Variants in STIM1 observed in about 807,000 individuals in gnomAD.
STIM1 encodes stromal interaction molecule 1.
STIM1 carries 25 observed loss-of-function variants against 74.7 expected under a neutral mutation model. The observed-to-expected ratio is 0.33, with a 90% CI of 0.24 to 0.47. The LOEUF is 0.47. Among genes scored for constraint, STIM1 ranks in the 20% least tolerant of loss-of-function variants. The probability of loss-of-function intolerance (pLI) is 1.00; values close to 1 mark genes in which losing one functional copy is unlikely to be tolerated. For missense variants in STIM1, 728 were observed against 920.8 expected (o/e 0.79, Z 2.71); for synonymous variants, 328 against 348.8 (o/e 0.94, Z 0.66).
chr11:3,920,942 C>T (rs1477170026), intron 1 of STIM1, among the ~76,000 whole-genome samples: 1 of 151,814 alleles, frequency 6.6e-6, no homozygotes, highest in East Asian at 1.9e-4. Context: ...ATTATAGGCA[C>T]CCGCCACTAC....
At chr11:4,028,264 C>T (rs139054166) in intron 3 of STIM1, among the ~76,000 whole-genome samples, 32 of 150,596 alleles carry the variant, frequency 2.1e-4, no homozygotes, top group Non-Finnish European at 2.8e-4. Context: ...GTATTTTTAA[C>T]GGAGATGGGG....
chr11:3,908,697 A>C (rs1322776233), intron 1 of STIM1, among the ~76,000 whole-genome samples: 1 of 152,200 alleles, frequency 6.6e-6, no homozygotes, highest in East Asian at 1.9e-4. Context: ...TGTCAAGCTC[A>C]AATAAAATGT....
chr11:4,016,812 G>T (rs953555827), intron 2 of STIM1, among the ~76,000 whole-genome samples: 1 of 152,212 alleles, frequency 6.6e-6, no homozygotes, highest in African/African-American at 2.4e-5. Context: ...CCAGTGTCCC[G>T]GGTCGATCTC....
intron 2 of STIM1, among the ~76,000 whole-genome samples, chr11:3,980,034 C>T (rs11030486): frequency 0.054 from 8,262 of 152,156 alleles, 374 homozygotes; most frequent in East Asian, 0.18. Context: ...CTCTATCGCT[C>T]GATTTAGCAC....
chr11:3,871,280 G>T (rs1316360012), intron 1 of STIM1, among the ~76,000 whole-genome samples: 1 of 152,150 alleles, frequency 6.6e-6, no homozygotes, highest in African/African-American at 2.4e-5. Flanking sequence ...CTGAATTTAG[G>T]CTATGCTTGG....
chr11:4,059,615 C>T (rs1429140187), intron 5 of STIM1, among the ~76,000 whole-genome samples: 1 of 152,180 alleles, frequency 6.6e-6, no homozygotes, highest in Non-Finnish European at 1.5e-5. Context: ...CTGCATTGTG[C>T]CAATGCTGTG....
In STIM1 at chr11:3,865,728, A is replaced by G. The variant is rs2090830340; in HGVS notation, c.139+9319A>G. On this transcript the variant is annotated intron_variant, in intron 1 of 12. Transcript: ENST00000526596. ...TGTATGTCTCACCACTGAGCTGTTC[A>G]GCTGGCTCCATTATGGATTTGGGGC... Among the ~76,000 whole-genome samples the G allele has an allele frequency of 2.0e-5, 3 of 152,334 alleles. No homozygotes were observed. In the Middle Eastern group the frequency reaches 0.01, roughly 518 times the overall value.
chr11:4,081,044 C>T (rs1302829301), intron 7 of STIM1, among the ~76,000 whole-genome samples: 1 of 152,018 alleles, frequency 6.6e-6, no homozygotes, highest in Non-Finnish European at 1.5e-5. Flanking sequence ...GATTGGCACT[C>T]TCATTGCCTC....
At chr11:3,928,384 C>A (rs915384582) in intron 1 of STIM1, among the ~76,000 whole-genome samples, 1 of 152,008 alleles carries the variant, frequency 6.6e-6, no homozygotes, top group African/African-American at 2.4e-5. Context: ...TGCCACCACA[C>A]CCAGTTAATT....
chr11:3,973,912 A>G (rs2093420385), intron 2 of STIM1: 1 of 496,062 alleles, frequency 2.0e-6, no homozygotes. Context: ...TTTAAAATGT[A>G]TCTTTTTTAA....
At chr11:3,898,858 C>G (rs2092267425) in intron 1 of STIM1, among the ~76,000 whole-genome samples, 2 of 151,282 alleles carry the variant, frequency 1.3e-5, no homozygotes, top group African/African-American at 4.9e-5. Flanking sequence ...GGGCTCTGTT[C>G]TGTTCCATTG....
chr11:4,050,853 G>A (rs2094234019), intron 3 of STIM1, among the ~76,000 whole-genome samples: 1 of 152,152 alleles, frequency 6.6e-6, no homozygotes, highest in Non-Finnish European at 1.5e-5. Context: ...TTACAATAAA[G>A]TAAGAGAAGA....
intron 1 of STIM1, among the ~76,000 whole-genome samples, chr11:3,886,386 G>A (rs903097495): frequency 1.1e-4 from 16 of 152,000 alleles, no homozygotes; most frequent in Non-Finnish European, 2.9e-5. Context: ...ATTGTATTTT[G>A]TGCTATAAGA....
At chr11:4,058,643 T>A (rs903088091) in intron 4 of STIM1, 1 of 267,110 alleles carries the variant, frequency 3.7e-6, no homozygotes, top group Non-Finnish European at 5.8e-6. Flanking sequence ...AGGCTTTCTC[T>A]TATTAAAGTT....
intron 2 of STIM1, chr11:3,989,490 A>AT (rs1364261905): frequency 4.8e-6 from 3 of 628,548 alleles, no homozygotes; most frequent in Non-Finnish European, 9.0e-6. Context: ...TGCGTGCGGG[A>AT]TGTCTGTGAG....
intron 2 of STIM1, among the ~76,000 whole-genome samples, chr11:3,976,876 C>T (rs1395771908): frequency 3.3e-5 from 5 of 151,690 alleles, no homozygotes; most frequent in Admixed American, 3.3e-4. Flanking sequence ...CTCACTGCAA[C>T]CTCTACCTCC....
intron 1 of STIM1, among the ~76,000 whole-genome samples, chr11:3,944,796 A>T (rs544600439): frequency 6.6e-6 from 1 of 152,344 alleles, no homozygotes; most frequent in East Asian, 1.9e-4. Flanking sequence ...CCCTAATCAG[A>T]GCAGGAGTGT....
intron 2 of STIM1, among the ~76,000 whole-genome samples, chr11:4,012,586 C>G (rs910966485): frequency 6.6e-6 from 1 of 152,210 alleles, no homozygotes; most frequent in Non-Finnish European, 1.5e-5. Context: ...TATCCTGAGA[C>G]TTTGCTGAAG....
intron 1 of STIM1, among the ~76,000 whole-genome samples, chr11:3,958,180 GC>G (rs1481692718): frequency 6.6e-6 from 1 of 152,070 alleles, no homozygotes; most frequent in African/African-American, 2.4e-5. Context: ...TTTTTGATGA[GC>G]GACCTCAGGG....
Sources: gnomAD v4.1 joint callset for allele counts (sites outside exome capture counted in the v4.1 genomes callset) on GRCh38, gnomAD v4.1.1 for gene constraint, MANE v1.5 for transcripts, NCBI Gene and HGNC (gene_info 2026-07-23, HGNC 2026-07-21) for gene names.